The following RBFOX1 variants were observed in gnomAD, a reference collection of about 807,000 sequenced individuals.
RBFOX1 encodes RNA binding fox-1 homolog 1.
A neutral mutation model predicts 57.7 loss-of-function variants in RBFOX1; 8 were observed. The observed-to-expected ratio is 0.14, with a 90% confidence interval of 0.08 to 0.25. The LOEUF is 0.25. Ranked by LOEUF, RBFOX1 falls within the 10% of genes least tolerant of loss-of-function variation. The pLI is 1.00. For synonymous variants in RBFOX1, 326 were observed against 222.4 expected, an observed-to-expected ratio of 1.47 and a Z score of -4.15; for missense variants, 611 against 548.5, an observed-to-expected ratio of 1.11 and a Z score of -1.14.
intron 3 of RBFOX1, among the ~76,000 whole-genome samples, chr16:6,816,803 G>A (rs567104045): frequency 6.6e-6 from 1 of 151,814 alleles, no homozygotes; most frequent in South Asian, 2.1e-4. Flanking sequence ...GGACTGCAGT[G>A]ATGCAATCAT....
chr16:6,746,493 A>G (rs1404416795), intron 3 of RBFOX1, among the ~76,000 whole-genome samples: 1 of 152,088 alleles, frequency 6.6e-6, no homozygotes, highest in African/African-American at 2.4e-5. Context: ...TCTATGCAAC[A>G]TGGCAAAGCC....
intron 2 of RBFOX1, among the ~76,000 whole-genome samples, chr16:6,376,626 G>T (rs147195939): frequency 6.6e-6 from 1 of 152,034 alleles, no homozygotes; most frequent in Non-Finnish European, 1.5e-5. Flanking sequence ...ATTTTCTTCC[G>T]TTTGTGAAAC....
intron 14 of RBFOX1, among the ~76,000 whole-genome samples, chr16:7,694,442 A>G (rs1290297152): frequency 3.3e-5 from 5 of 152,238 alleles, no homozygotes; most frequent in Admixed American, 2.6e-4. Context: ...TCTCTGTTCT[A>G]AAAGGCAGGG....
chr16:5,289,076 G>C (rs543424849), intron 1 of RBFOX1: 55 of 162,228 alleles, frequency 3.4e-4, no homozygotes, highest in African/African-American at 1.3e-3. Context: ...AGTGAGCTGA[G>C]ATCGTGCCAC....
rs190807754 is a variant in RBFOX1, at chr16:7,688,199, T to C, written c.995+11361T>C. Among the ~76,000 whole-genome samples the C allele has an allele frequency of 5.6e-3, 832 of 148,826 alleles. 22 individuals carry two copies. Among genetic ancestry groups the C allele is most frequent in the Admixed American group, 0.046 (689 of 14,894 alleles). On this transcript the variant is annotated intron_variant, in intron 14 of 15. Transcript: ENST00000550418. Reference sequence around the variant, plus strand: ...CTTCTCAGCTGTAGGGATTGCCTAGTAGGCATCCTTGGCAGGTTTAAATGT... The same window carrying C: ...CTTCTCAGCTGTAGGGATTGCCTAGCAGGCATCCTTGGCAGGTTTAAATGT...
chr16:6,601,695 G>A (rs1567836926), intron 2 of RBFOX1, among the ~76,000 whole-genome samples: 1 of 152,190 alleles, frequency 6.6e-6, no homozygotes, highest in African/African-American at 2.4e-5. Flanking sequence ...ATCTGTAGGA[G>A]AGGCTTCATC....
chr16:7,316,353 A>G (rs1226250487), intron 4 of RBFOX1, among the ~76,000 whole-genome samples: 1 of 152,220 alleles, frequency 6.6e-6, no homozygotes, highest in African/African-American at 2.4e-5. Flanking sequence ...ACATTGCATG[A>G]TCTGTTTACA....
At chr16:7,709,425 A>C (rs945766564) in intron 15 of RBFOX1, 1 of 1,322,970 alleles carries the variant, frequency 7.6e-7, no homozygotes, top group South Asian at 1.6e-5. Context: ...CATCACTAAC[A>C]GAATGCAGTG....
At chr16:6,375,010 T>C (rs995983409) in intron 2 of RBFOX1, among the ~76,000 whole-genome samples, 2 of 152,210 alleles carry the variant, frequency 1.3e-5, no homozygotes, top group Non-Finnish European at 2.9e-5. Flanking sequence ...TATTGCTGCA[T>C]TGAGTGCTTA....
At chr16:5,770,968 G>C (rs1372882739) in intron 3 of RBFOX1, among the ~76,000 whole-genome samples, 11 of 152,160 alleles carry the variant, frequency 7.2e-5, no homozygotes, top group Admixed American at 7.2e-4. Flanking sequence ...TCCTGTCTCT[G>C]GCCACGACCC....
intron 3 of RBFOX1, among the ~76,000 whole-genome samples, chr16:6,996,339 T>A (rs181097332): frequency 8.5e-5 from 13 of 152,294 alleles, no homozygotes; most frequent in African/African-American, 3.1e-4. Context: ...TTCGGACAGC[T>A]CTTTTTCTGT....
chr16:7,402,677 G>A (rs1311128097), intron 4 of RBFOX1, among the ~76,000 whole-genome samples: 1 of 152,152 alleles, frequency 6.6e-6, no homozygotes, highest in Non-Finnish European at 1.5e-5. Context: ...TGTTTCAGAT[G>A]AGCCTAATTG....
chr16:5,563,096 C>T (rs536570048), intron 2 of RBFOX1, among the ~76,000 whole-genome samples: 67 of 152,256 alleles, frequency 4.4e-4, no homozygotes, highest in Non-Finnish European at 8.2e-4. Flanking sequence ...CTTACAGGCA[C>T]CCGCCACCAT....
chr16:7,649,034 G>T (rs2064364143), intron 11 of RBFOX1, among the ~76,000 whole-genome samples: 1 of 152,132 alleles, frequency 6.6e-6, no homozygotes, highest in Admixed American at 6.5e-5. Context: ...CAGACCCTAA[G>T]AGAGGATTCT....
chr16:6,839,249 T>G (rs1048652341), intron 3 of RBFOX1, among the ~76,000 whole-genome samples: 1 of 152,098 alleles, frequency 6.6e-6, no homozygotes, highest in South Asian at 2.1e-4. Context: ...CCCCCCAAAG[T>G]GCTGGGATTA....
chr16:5,928,426 G>A (rs948236667), intron 4 of RBFOX1, among the ~76,000 whole-genome samples: 1 of 150,490 alleles, frequency 6.6e-6, no homozygotes, highest in Non-Finnish European at 1.5e-5. Flanking sequence ...AAAAAAAAAA[G>A]TATGTGAGAT....
At chr16:6,810,007 A>G (rs2088031994) in intron 3 of RBFOX1, among the ~76,000 whole-genome samples, 1 of 150,798 alleles carries the variant, frequency 6.6e-6, no homozygotes, top group South Asian at 2.1e-4. Context: ...TCTCTCTGAA[A>G]AAATTCTCTT....
intron 1 of RBFOX1, among the ~76,000 whole-genome samples, chr16:5,454,735 C>CTTTTTCT (rs2068526965): frequency 6.9e-6 from 1 of 144,384 alleles, no homozygotes; most frequent in Admixed American, 6.9e-5. Context: ...CTCTCTCTTT[C>CTTTTTCT]TTTCTTTCTT....
rs562695439 is a variant in RBFOX1, at chr16:5,946,076, A to C, written c.351+78741A>C. ...TAAAGTGAGGGGGAGACAGGGTTTT[A>C]ATTAGTGGACTGACTTACCCGCTAT... On this transcript the variant is annotated intron_variant, in intron 4 of 19. Transcript: ENST00000641259. This position sits in a 1 kb window ranked among gnomAD's most constrained non-coding sequence, Gnocchi z 4.6. Among the ~76,000 whole-genome samples, 1 of 152,288 alleles carries C rather than the reference A, an allele frequency of 6.6e-6. No homozygotes were observed. Among genetic ancestry groups the C allele is most frequent in the Admixed American group, 6.5e-5 (1 of 15,294 alleles).
Sources: allele counts gnomAD v4.1 joint callset (sites outside exome capture counted in the v4.1 genomes callset), GRCh38; gene constraint gnomAD v4.1.1; non-coding constraint Gnocchi (gnomAD v3.1); transcripts MANE v1.5; gene names NCBI Gene and HGNC (gene_info 2026-07-23, HGNC 2026-07-21).